CTNNA3: variants seen among roughly 807,000 people sequenced by gnomAD.
CTNNA3 encodes the protein catenin alpha 3.
A neutral mutation model predicts 95.7 loss-of-function variants in CTNNA3; 76 were observed. The ratio of observed to expected loss-of-function variants is 0.79; its 90% CI spans 0.66 to 0.96. The LOEUF is 0.96. Ranked by LOEUF, CTNNA3 falls within the 40% of genes least tolerant of loss-of-function variation. The pLI is 0.00. For synonymous variants in CTNNA3, 431 were observed against 374.4 expected, an observed-to-expected ratio of 1.15 and a Z score of -1.74; for missense variants, 1,191 against 1,089.8, an observed-to-expected ratio of 1.09 and a Z score of -1.31.
chr10:66,616,436 A>G (rs960058869), intron 10 of CTNNA3, among the ~76,000 whole-genome samples: 3 of 152,054 alleles, frequency 2.0e-5, no homozygotes, highest in African/African-American at 7.2e-5. Flanking sequence ...TTCACATCAT[A>G]GTCCTTTAAA....
chr10:67,652,363 A>C (rs1157335477), intron 1 of CTNNA3, among the ~76,000 whole-genome samples: 1 of 152,236 alleles, frequency 6.6e-6, no homozygotes, highest in East Asian at 1.9e-4. Flanking sequence ...AGGGATTCCC[A>C]AGAAAGTTTC....
At chr10:66,697,254 C>CTA (rs1184531273) in intron 9 of CTNNA3, among the ~76,000 whole-genome samples, 22 of 148,148 alleles carry the variant, frequency 1.5e-4, no homozygotes, top group Non-Finnish European at 1.6e-4. Context: ...TCAGATATAT[C>CTA]TATATATATA....
Position 67,481,787 on chromosome 10 carries a change from C to A in CTNNA3, c.579+40055G>T, listed in dbSNP as rs552393636. On this transcript the variant is annotated intron_variant, in intron 5 of 17. Transcript: ENST00000433211. ...ATTTGTCAATTTTGGCTTTTGTTGTCATTGCTTTTGGTGTTTTAGACATGA... is the reference window on the plus strand; with the variant it reads ...ATTTGTCAATTTTGGCTTTTGTTGTAATTGCTTTTGGTGTTTTAGACATGA... Among the ~76,000 whole-genome samples the A allele has an allele frequency of 2.7e-4, 41 of 152,236 alleles. No homozygotes were observed. The East Asian group carries it at 5.6e-3, about 21-fold the overall frequency.
intron 5 of CTNNA3, 22 bp from the exon 6 acceptor site, chr10:67,219,892 G>T (rs761495285): frequency 6.3e-7 from 1 of 1,583,864 alleles, no homozygotes; most frequent in Admixed American, 1.7e-5. Flanking sequence ...AATAAAAAGA[G>T]TGGTATCTTA....
intron 16 of CTNNA3, among the ~76,000 whole-genome samples, chr10:65,975,254 C>A (rs1185460848): frequency 5.3e-5 from 8 of 152,006 alleles, no homozygotes. Flanking sequence ...CACAATCAGA[C>A]AAGAATATAG....
At chr10:67,351,045 T>G in intron 5 of CTNNA3, among the ~76,000 whole-genome samples, 1 of 151,634 alleles carries the variant, frequency 6.6e-6, no homozygotes, top group East Asian at 1.9e-4. Flanking sequence ...ACAATAAAGA[T>G]AAATAAACTA....
At chr10:66,330,048 T>A (rs965555624) in intron 12 of CTNNA3, among the ~76,000 whole-genome samples, 9 of 152,066 alleles carry the variant, frequency 5.9e-5, no homozygotes, top group Non-Finnish European at 1.0e-4. Context: ...TTGTGAAATA[T>A]GAAAAAGAAG....
intron 5 of CTNNA3, among the ~76,000 whole-genome samples, chr10:67,324,667 A>G (rs928159339): frequency 6.6e-6 from 1 of 150,908 alleles, no homozygotes; most frequent in East Asian, 1.9e-4. Context: ...TTTTGCATCA[A>G]TGTTCTTCAA....
intron 12 of CTNNA3, among the ~76,000 whole-genome samples, chr10:66,373,193 A>T (rs1003453601): frequency 6.6e-6 from 1 of 152,180 alleles, no homozygotes; most frequent in African/African-American, 2.4e-5. Flanking sequence ...CATATTGAAG[A>T]TTGCAGTTTT....
At chr10:67,005,457 A>G (rs544045905) in intron 7 of CTNNA3, among the ~76,000 whole-genome samples, 71 of 151,946 alleles carry the variant, frequency 4.7e-4, no homozygotes, top group African/African-American at 1.6e-3. Context: ...TCACCTGTTC[A>G]TTGTGCCTGT....
intron 5 of CTNNA3, among the ~76,000 whole-genome samples, chr10:67,357,006 C>T (rs549214911): frequency 6.6e-6 from 1 of 152,112 alleles, no homozygotes; most frequent in Non-Finnish European, 1.5e-5. Context: ...CATTCTCCTA[C>T]ACAACCGTTT....
intron 11 of CTNNA3, among the ~76,000 whole-genome samples, chr10:66,383,807 A>G (rs1234870329): frequency 6.6e-6 from 1 of 152,206 alleles, no homozygotes; most frequent in Admixed American, 6.5e-5. Flanking sequence ...TTCTTAAAGA[A>G]AGGAATTTTC....
At chr10:66,555,195 C>G (rs1842352152) in intron 10 of CTNNA3, among the ~76,000 whole-genome samples, 1 of 152,048 alleles carries the variant, frequency 6.6e-6, no homozygotes, top group African/African-American at 2.4e-5. Context: ...TCTTCAAGGT[C>G]CCAGCCAAAA....
chr10:66,020,398 G>GTGA (rs2079178821), intron 15 of CTNNA3, among the ~76,000 whole-genome samples: 1 of 152,318 alleles, frequency 6.6e-6, no homozygotes, highest in African/African-American at 2.4e-5. Context: ...GACCAGAGGG[G>GTGA]TGATGGACAA....
rs772676831 is a variant in CTNNA3, at chr10:67,606,983, T to A, written c.166A>T (p.Ser56Cys). 4.3e-6 allele frequency: 7 copies of A among 1,614,102 alleles called. No individual in the cohort carries two copies. The highest frequency in any genetic ancestry group is 5.1e-6 in the Non-Finnish European group (6 of 1,179,928). The stretch of plus-strand genomic sequence containing the variant: ...TCCTCCACAGAAGCTAGAAGGACAC[T>A]GGCTCTTTTCGAACGTCCTTTTTTC... ...SRKKGRSKRA[S>C]VLLASVEEAT... is the part of the protein sequence containing the mutation. Residue 56 changes from serine to cysteine, a missense_variant, in exon 3 of 18, where the codon AGT (serine) becomes TGT (cysteine). Coordinates refer to ENST00000433211, the MANE Select transcript of CTNNA3 (RefSeq NM_013266.4).
chr10:66,019,572 TA>T (rs905231615), intron 15 of CTNNA3, among the ~76,000 whole-genome samples: 4 of 151,992 alleles, frequency 2.6e-5, no homozygotes, highest in African/African-American at 9.7e-5. Flanking sequence ...GCTTCTGACA[TA>T]AAAAAATCTG....
chr10:67,685,016 C>T (rs1420052196), intron 1 of CTNNA3, among the ~76,000 whole-genome samples: 1 of 152,198 alleles, frequency 6.6e-6, no homozygotes, highest in African/African-American at 2.4e-5. Context: ...CCTCCTTTCT[C>T]AGCAGTGAGG....
At chr10:67,510,893 G>A (rs1295522582) in intron 5 of CTNNA3, among the ~76,000 whole-genome samples, 1 of 152,100 alleles carries the variant, frequency 6.6e-6, no homozygotes, top group African/African-American at 2.4e-5. Flanking sequence ...AGTTCTCCTT[G>A]AAGAGGTCCT....
At chr10:67,380,717 T>A (rs908435599) in intron 5 of CTNNA3, among the ~76,000 whole-genome samples, 22 of 151,874 alleles carry the variant, frequency 1.4e-4, no homozygotes, top group Non-Finnish European at 3.2e-4. Flanking sequence ...AAAAGAAGGG[T>A]TTCATGAAGA....
Sources: allele counts gnomAD v4.1 joint callset (sites outside exome capture counted in the v4.1 genomes callset), GRCh38; gene constraint gnomAD v4.1.1; transcripts MANE v1.5; gene names NCBI Gene and HGNC (gene_info 2026-07-23, HGNC 2026-07-21).